Variants in EXOC2 observed in about 807,000 individuals in gnomAD.
The protein encoded by EXOC2 is exocyst complex component 2, also known as SEC5-like 1.
Under a neutral mutation model 131.8 loss-of-function variants are expected in EXOC2, and 70 were observed. The ratio of observed to expected loss-of-function variants is 0.53; its 90% CI spans 0.44 to 0.65. EXOC2 has a LOEUF of 0.65. Ranked by LOEUF, EXOC2 falls within the 30% of genes least tolerant of loss-of-function variation. The pLI is 0.00. For missense variants in EXOC2, 923 were observed against 1,108.6 expected, an observed-to-expected ratio of 0.83 and a Z score of 2.38; for synonymous variants, 411 against 398.4, an observed-to-expected ratio of 1.03 and a Z score of -0.38.
intron 6 of EXOC2, among the ~76,000 whole-genome samples, chr6:615,529 A>G (rs1029183942): frequency 2.0e-5 from 3 of 152,152 alleles, no homozygotes; most frequent in Non-Finnish European, 4.4e-5. Context: ...TTCTTCAACA[A>G]ATCAATAGCA....
chr6:631,030 A>G (rs896143138), intron 3 of EXOC2, among the ~76,000 whole-genome samples: 3 of 152,206 alleles, frequency 2.0e-5, no homozygotes, highest in African/African-American at 7.2e-5. Context: ...CTGGGCTGCA[A>G]CAGAAAAAGA....
intron 11 of EXOC2, among the ~76,000 whole-genome samples, chr6:590,149 TG>T (rs1759461908): frequency 6.7e-6 from 1 of 150,260 alleles, no homozygotes; most frequent in African/African-American, 2.4e-5. Flanking sequence ...TGGACTCTGA[TG>T]GGCCCTTAAG....
chr6:586,052 A>T (rs1759186782), intron 11 of EXOC2, among the ~76,000 whole-genome samples: 1 of 152,250 alleles, frequency 6.6e-6, no homozygotes, highest in South Asian at 2.1e-4. Flanking sequence ...ACCAGATAAA[A>T]TGTAGGCAGT....
At chr6:573,649 A>T (rs1758412448) in intron 12 of EXOC2, among the ~76,000 whole-genome samples, 1 of 151,690 alleles carries the variant, frequency 6.6e-6, no homozygotes, top group East Asian at 1.9e-4. Flanking sequence ...CAAATTTTAT[A>T]AACTGTATTA....
chr6:688,911 GA>G (rs1162567074), intron 1 of EXOC2, among the ~76,000 whole-genome samples: 1 of 152,148 alleles, frequency 6.6e-6, no homozygotes, highest in Non-Finnish European at 1.5e-5. Context: ...ATAATACAAT[GA>G]AAGTTAAATC....
At chr6:530,865 C>G (rs1010851404) in intron 23 of EXOC2, among the ~76,000 whole-genome samples, 2 of 152,234 alleles carry the variant, frequency 1.3e-5, no homozygotes, top group African/African-American at 4.8e-5. Context: ...CATATACAAA[C>G]TTTCTTCCTT....
intron 23 of EXOC2, among the ~76,000 whole-genome samples, chr6:523,263 T>C (rs1765572426): frequency 6.6e-6 from 1 of 152,234 alleles, no homozygotes; most frequent in Admixed American, 6.5e-5. Context: ...ACTCTTGAGA[T>C]CAGTACCCTG....
chr6:609,868 T>C (rs1439663430), intron 7 of EXOC2, among the ~76,000 whole-genome samples: 2 of 152,194 alleles, frequency 1.3e-5, no homozygotes, highest in African/African-American at 4.8e-5. Context: ...TCTTAAGAAG[T>C]ATATTGGATT....
At chr6:569,871 G>T (rs1561869211) in intron 13 of EXOC2, among the ~76,000 whole-genome samples, 1 of 152,166 alleles carries the variant, frequency 6.6e-6, no homozygotes, top group African/African-American at 2.4e-5. Flanking sequence ...TGAAGTAGAT[G>T]ATTTATTTTT....
intron 22 of EXOC2, 99 bp downstream of exon 22, chr6:549,076 G>C (rs944733094): frequency 4.3e-6 from 4 of 932,434 alleles, no homozygotes; most frequent in Non-Finnish European, 6.9e-6. Context: ...GCGGCACGCA[G>C]AGGGAATGGG....
In EXOC2 at chr6:532,576, C is replaced by T; in HGVS notation, c.2273G>A (p.Arg758Lys). 6.2e-7 allele frequency: 1 copy of T among 1,605,304 alleles called. No individual in the cohort carries two copies. Among genetic ancestry groups the T allele is most frequent in the Non-Finnish European group, 8.5e-7 (1 of 1,176,984 alleles). ...SMASLKELDQ[R>K]LFENYIELKA... is the part of the protein sequence containing the mutation. ...CAACTCGATGTAATTTTCAAAGAGT[C>T]TTTGATCTAGTTCTTTCAATGAGGC... The change falls in exon 23 of 28, where the codon AGA becomes AAA. Residue 758 changes from arginine (R) to lysine (K), a missense_variant. Arg to Lys is a conservative substitution (Grantham distance 26). Transcript: ENST00000230449.
In EXOC2 at chr6:485,765, G is replaced by GATC. The variant is rs1413641622; in HGVS notation, c.*903_*905dup. ...CAGCATTGTTCCAGCTACTGAGCAAGATCCTTCAGCAGGTAAGAAGTGGCA... is the reference window on the plus strand; with the variant it reads ...CAGCATTGTTCCAGCTACTGAGCAAGATCATCCTTCAGCAGGTAAGAAGTGGCA... On this transcript the variant is annotated 3_prime_UTR_variant, in exon 28 of 28. Transcript: ENST00000230449. The GATC allele has an allele frequency of 6.6e-6, 1 of 152,252 alleles. No individual in the cohort carries two copies. Among genetic ancestry groups the GATC allele is most frequent in the Admixed American group, 6.5e-5 (1 of 15,290 alleles). The allele number at this position is 152,252 out of a possible 1,614,324, so 9.4% of individuals were successfully genotyped here. A position where few individuals can be genotyped will look rare whatever the true frequency, so the allele number is the denominator to read the frequency against.
Position 615,738 on chromosome 6 carries a change from A to G in EXOC2, c.661+1973T>C, listed in dbSNP as rs535942636. Among the ~76,000 whole-genome samples, 335 of 151,876 alleles carry G rather than the reference A, an allele frequency of 2.2e-3. 2 individuals carry two copies. The highest frequency in any genetic ancestry group is 7.8e-3 in the African/African-American group (322 of 41,420). On this transcript the variant is annotated intron_variant, in intron 6 of 27. Coordinates refer to ENST00000230449, the MANE Select transcript of EXOC2 (RefSeq NM_018303.6). ...CCATCTCAAAAGAAAAAAAAAAAAA[A>G]AGAAAAACCAGAAACAGGGTAAGAA... is the stretch of plus-strand genomic sequence containing the variant.
rs542310240 is a variant in EXOC2 at position 656,657 on chromosome 6, G to A, written c.-43-18796C>T. The A allele has an allele frequency of 6.8e-6, 11 of 1,606,928 alleles. No individual in the cohort carries two copies. In the African/African-American group the frequency reaches 9.3e-5, roughly 14 times the overall value. ...TCAGCTGCAGCTTCAGGGAGGACGC[G>A]CCCGCTGCGCTTCTCGCCGCCCGGG... On this transcript the variant is annotated intron_variant, in intron 1 of 27. Coordinates refer to ENST00000230449, the MANE Select transcript of EXOC2 (RefSeq NM_018303.6).
rs879328247 is a variant in EXOC2 at position 582,248 on chromosome 6, T to C, written c.1193-5366A>G. On this transcript the variant is annotated intron_variant, in intron 11 of 27. Transcript: ENST00000230449. ...TGATTTTCAATAGTCGGTATTTTTT[T>C]TTTTAACAGACTCTATACCACAAAA... Among the ~76,000 whole-genome samples, 246 of 152,222 alleles carry C rather than the reference T, an allele frequency of 1.6e-3. 8 individuals carry two copies. Among genetic ancestry groups the C allele is most frequent in the Admixed American group, 0.015 (235 of 15,296 alleles).
At chr6:507,629 T>C (rs917319866) in intron 23 of EXOC2, among the ~76,000 whole-genome samples, 1 of 152,188 alleles carries the variant, frequency 6.6e-6, no homozygotes, top group African/African-American at 2.4e-5. Flanking sequence ...CGTGTTCCTT[T>C]AGTGCTGATC....
chr6:659,298 C>T (rs1042090941), intron 1 of EXOC2, among the ~76,000 whole-genome samples: 22 of 152,182 alleles, frequency 1.4e-4, no homozygotes, highest in Non-Finnish European at 3.1e-4. Context: ...TAACTAATGA[C>T]GAATCCTCTA....
At chr6:626,879 C>T (rs1761601317) in intron 4 of EXOC2, among the ~76,000 whole-genome samples, 2 of 152,210 alleles carry the variant, frequency 1.3e-5, no homozygotes, top group South Asian at 4.1e-4. Context: ...AGGCGTGAGC[C>T]ACCACGCCCG....
At chr6:630,920 C>T (rs1364928661) in intron 3 of EXOC2, among the ~76,000 whole-genome samples, 1 of 152,176 alleles carries the variant, frequency 6.6e-6, no homozygotes, top group Non-Finnish European at 1.5e-5. Flanking sequence ...ACCCTGTGAA[C>T]AAGACAACAT....
Sources: allele counts gnomAD v4.1 joint callset (sites outside exome capture counted in the v4.1 genomes callset), GRCh38; gene constraint gnomAD v4.1.1; transcripts MANE v1.5; gene names NCBI Gene and HGNC (gene_info 2026-07-23, HGNC 2026-07-21).